The following LRMDA variants were observed in gnomAD, a reference collection of about 807,000 sequenced individuals.
LRMDA encodes the protein leucine-rich melanocyte differentiation-associated protein.
A neutral mutation model predicts 29.8 loss-of-function variants in LRMDA; 18 were observed. That is an observed-to-expected ratio of 0.60 (90% confidence interval 0.42 to 0.90). LRMDA has a LOEUF of 0.90. LRMDA is among the 40% of genes least tolerant of loss of function. LRMDA has a pLI of 0.00. For synonymous variants in LRMDA, 125 were observed against 109.4 expected (o/e 1.14, Z -0.89); for missense variants, 273 against 273.9 (o/e 1.00, Z 0.02).
At chr10:76,229,528 T>C (rs937132781) in intron 5 of LRMDA, among the ~76,000 whole-genome samples, 2 of 152,194 alleles carry the variant, frequency 1.3e-5, no homozygotes, top group Admixed American at 6.5e-5. Flanking sequence ...GCAAGACAAT[T>C]GCATTCCTTC....
intron 6 of LRMDA, among the ~76,000 whole-genome samples, chr10:76,339,525 C>T (rs1286457063): frequency 6.6e-6 from 1 of 151,696 alleles, no homozygotes; most frequent in Non-Finnish European, 1.5e-5. Context: ...TTTCATATAT[C>T]CTAATTAAAA....
At chr10:76,335,426 A>G (rs1278873086) in intron 6 of LRMDA, among the ~76,000 whole-genome samples, 1 of 152,178 alleles carries the variant, frequency 6.6e-6, no homozygotes, top group African/African-American at 2.4e-5. Context: ...TTTAGGTTAG[A>G]TCCAAAGGAA....
Position 75,529,418 on chromosome 10 carries a change from C to G in LRMDA, c.131+90924C>G, listed in dbSNP as rs530321295. Among the ~76,000 whole-genome samples, 13 of 152,284 alleles carry G rather than the reference C, an allele frequency of 8.5e-5. No individual in the cohort carries two copies. The East Asian group carries it at 2.5e-3, about 29-fold the overall frequency. ...GAAGATAATTGTAGGTATGAAATGTCTCAAAAATTTTACCATCTTAGGTAA... is the reference window on the plus strand; with the variant it reads ...GAAGATAATTGTAGGTATGAAATGTGTCAAAAATTTTACCATCTTAGGTAA... On this transcript the variant is annotated intron_variant, in intron 2 of 6. Transcript: ENST00000611255.
At chr10:75,561,397 T>C (rs1293046478) in intron 2 of LRMDA, among the ~76,000 whole-genome samples, 3 of 151,222 alleles carry the variant, frequency 2.0e-5, no homozygotes, top group Non-Finnish European at 4.4e-5. Context: ...TTATCATTTT[T>C]TATTGCGTCT....
chr10:76,176,352 A>G (rs1202116094), intron 5 of LRMDA, among the ~76,000 whole-genome samples: 1 of 152,214 alleles, frequency 6.6e-6, no homozygotes, highest in Admixed American at 6.5e-5. Flanking sequence ...GGCGGTAATG[A>G]ATACCGATTA....
intron 5 of LRMDA, among the ~76,000 whole-genome samples, chr10:76,178,456 G>T (rs1190999686): frequency 6.6e-6 from 1 of 152,170 alleles, no homozygotes; most frequent in African/African-American, 2.4e-5. Context: ...TCCTTAGAAA[G>T]AACCATGTTT....
intron 5 of LRMDA, among the ~76,000 whole-genome samples, chr10:76,248,789 T>A (rs554261312): frequency 6.6e-6 from 1 of 152,326 alleles, no homozygotes; most frequent in South Asian, 2.1e-4. Context: ...CAGGATAACA[T>A]ATCATTGGCT....
At chr10:76,547,991 A>G (rs1189629028) in intron 6 of LRMDA, among the ~76,000 whole-genome samples, 2 of 152,166 alleles carry the variant, frequency 1.3e-5, no homozygotes, top group Non-Finnish European at 2.9e-5. Context: ...CCTGCTAAGT[A>G]AGGGTGTGGG....
intron 2 of LRMDA, among the ~76,000 whole-genome samples, chr10:75,665,553 A>G (rs1017752103): frequency 2.0e-5 from 3 of 152,216 alleles, no homozygotes; most frequent in African/African-American, 7.2e-5. Flanking sequence ...CATCTTCATG[A>G]GAAATTGACC....
chr10:76,130,409 A>T (rs1849966015), intron 5 of LRMDA, among the ~76,000 whole-genome samples: 1 of 152,180 alleles, frequency 6.6e-6, no homozygotes, highest in African/African-American at 2.4e-5. Context: ...TTTAAATTTT[A>T]ATTAGGGATT....
intron 2 of LRMDA, among the ~76,000 whole-genome samples, chr10:75,924,630 C>T (rs985328903): frequency 8.6e-5 from 13 of 150,986 alleles, no homozygotes; most frequent in African/African-American, 3.0e-4. Context: ...GCTGTCAGAG[C>T]GGGAAAGTGG....
chr10:75,459,447 C>CA (rs1844559038), intron 2 of LRMDA, among the ~76,000 whole-genome samples: 1 of 152,146 alleles, frequency 6.6e-6, no homozygotes, highest in Admixed American at 6.6e-5. Flanking sequence ...TCACAGTGCT[C>CA]AACTTCTCCT....
intron 5 of LRMDA, among the ~76,000 whole-genome samples, chr10:76,216,550 A>G (rs1048896948): frequency 2.0e-5 from 3 of 152,194 alleles, no homozygotes; most frequent in Non-Finnish European, 4.4e-5. Flanking sequence ...TTTATAGCCA[A>G]TTAATTTGTG....
In LRMDA at chr10:75,524,574, TG is replaced by T. The variant is rs1330217490; in HGVS notation, c.131+86084del. Among the ~76,000 whole-genome samples, 4 of 152,280 alleles carry T rather than the reference TG, an allele frequency of 2.6e-5. No homozygotes were observed. The East Asian group carries it at 7.7e-4, about 29-fold the overall frequency. On this transcript the variant is annotated intron_variant, in intron 2 of 6. Transcript: ENST00000611255. ...CCTTTGCTGCTCTCCCCAGGGTCAC[TG>T]GGGTAGGAAATGAGAAGTTGGTATA...
chr10:75,835,164 A>G (rs1844412097), intron 2 of LRMDA, among the ~76,000 whole-genome samples: 1 of 152,216 alleles, frequency 6.6e-6, no homozygotes, highest in South Asian at 2.1e-4. Flanking sequence ...AAAATGAGGC[A>G]TACAGGGCTA....
intron 6 of LRMDA, among the ~76,000 whole-genome samples, chr10:76,354,450 C>T (rs1841215012): frequency 6.6e-6 from 1 of 152,086 alleles, no homozygotes; most frequent in African/African-American, 2.4e-5. Flanking sequence ...ACTTTTTATT[C>T]CAGATAATAC....
At chr10:75,471,269 C>T (rs556162844) in intron 2 of LRMDA, among the ~76,000 whole-genome samples, 1 of 151,636 alleles carries the variant, frequency 6.6e-6, no homozygotes, top group South Asian at 2.1e-4. Flanking sequence ...CAGCTCCTGC[C>T]TTCAGGAAGT....
chr10:76,486,867 G>A (rs1382339343), intron 6 of LRMDA, among the ~76,000 whole-genome samples: 1 of 151,798 alleles, frequency 6.6e-6, no homozygotes, highest in Non-Finnish European at 1.5e-5. Context: ...CCTTGGGAGA[G>A]GTCTAGAAGG....
chr10:76,203,948 TACCCATCTCTATTCCATGTGCCCATCCC>T (rs1851483087), intron 5 of LRMDA, among the ~76,000 whole-genome samples: 9 of 125,560 alleles, frequency 7.2e-5, no homozygotes, highest in South Asian at 2.9e-4. Context: ...TGTGCCCATC[TACCCATCTCTATTCCATGTGCCCATCCC>T]ACCCATCTCT....
Sources: gnomAD v4.1 joint callset for allele counts (sites outside exome capture counted in the v4.1 genomes callset) on GRCh38, gnomAD v4.1.1 for gene constraint, MANE v1.5 for transcripts, NCBI Gene and HGNC (gene_info 2026-07-23, HGNC 2026-07-21) for gene names.